Variants in MVD observed in about 807,000 individuals in gnomAD.
The protein encoded by MVD is diphosphomevalonate decarboxylase.
MVD carries 52 observed loss-of-function variants against 42.4 expected under a neutral mutation model. The observed-to-expected ratio is 1.23, with a 90% CI of 0.98 to 1.55. The LOEUF is 1.55. Among genes scored for constraint, MVD ranks in the 40% most tolerant of loss-of-function variants. MVD has a pLI of 0.00. For synonymous variants in MVD, 287 were observed against 243.2 expected, an observed-to-expected ratio of 1.18 and a Z score of -1.68; for missense variants, 663 against 572.1, an observed-to-expected ratio of 1.16 and a Z score of -1.62.
In MVD at chr16:88,652,756, C is replaced by T. The variant is rs890579969; in HGVS notation, c.1123-151G>A. ...AGGTAAAGCGCCTGAGTGGTGACAC[C>T]CACACGCAGCTCCTGCAGGCACAGC... On this transcript the variant is annotated intron_variant, in intron 9 of 9. Coordinates refer to ENST00000301012, the MANE Select transcript of MVD (RefSeq NM_002461.3). The T allele has an allele frequency of 9.6e-6, 7 of 727,552 alleles. No homozygotes were observed. In the African/African-American group the frequency reaches 1.1e-4, roughly 11 times the overall value. The allele number at this position is 727,552 out of a possible 1,614,324, so 45.1% of individuals were successfully genotyped here.
At chr16:88,662,216 G>C (rs1908347641) in intron 1 of MVD, 1 of 152,336 alleles carries the variant, frequency 6.6e-6, no homozygotes. Context: ...CTCTTTGCGG[G>C]GTGAGGCCTT....
chr16:88,654,915 G>C, intron 7 of MVD, 108 bp from the exon 8 acceptor site: 1 of 1,092,634 alleles, frequency 9.2e-7, no homozygotes. Flanking sequence ...CTCAGTCTAG[G>C]CCCTCAGGGC....
At chr16:88,657,097 G>C in intron 4 of MVD, 2 of 462,874 alleles carry the variant, frequency 4.3e-6, no homozygotes, top group Non-Finnish European at 8.2e-6. Context: ...TCCACATACA[G>C]CAACGGGAAG....
intron 8 of MVD, among the ~76,000 whole-genome samples, chr16:88,654,345 G>A (rs1012584672): frequency 1.3e-5 from 2 of 152,194 alleles, no homozygotes; most frequent in Non-Finnish European, 2.9e-5. Context: ...TCAAAATGTC[G>A]GACACTTACG....
At chr16:88,660,211 G>A (rs1376458505) in intron 1 of MVD, among the ~76,000 whole-genome samples, 1 of 152,138 alleles carries the variant, frequency 6.6e-6, no homozygotes, top group Non-Finnish European at 1.5e-5. Context: ...TTGGTGGGGA[G>A]GGGAACCTGG....
rs1054893298 is a variant in MVD, at chr16:88,657,491, G to A, written c.348C>T (p.Asn116=). ...CCAGGCCCGCAGCCGTGGGGAAGTT[G>A]TTCACCGATGCCACGTGCACCTTGC... The part of the protein sequence containing the change: ...LSCKVHVASV[N]NFPTAAGLAS... The change falls in exon 4 of 10, where the codon AAC becomes AAT. Residue 116 remains asparagine, a synonymous_variant. Transcript: ENST00000301012. 2.5e-6 allele frequency: 4 copies of A among 1,612,616 alleles called. No individual in the cohort carries two copies. In the African/African-American group the frequency reaches 4.0e-5, roughly 16 times the overall value.
rs1344152087 is a variant in MVD at position 88,655,121 on chromosome 16, G to C, written c.897+78C>G. The C allele has an allele frequency of 2.0e-6, 3 of 1,481,056 alleles. No homozygotes were observed. In the African/African-American group the frequency reaches 4.2e-5, roughly 21 times the overall value. 91.7% of individuals were successfully genotyped at this position (1,481,056 alleles called of 1,614,324 possible). On this transcript the variant is annotated intron_variant, in intron 7 of 9. Transcript: ENST00000301012. ...CAGATTGCCCTGCACGCGAGCCCCG[G>C]GGCCGTCTCCACGGCAGCACAAGCC...
chr16:88,657,475 C>T lies in MVD; in HGVS notation c.364G>A (p.Ala122Thr). 1 of 1,612,376 alleles carries T rather than the reference C, an allele frequency of 6.2e-7. No homozygotes were observed. The highest frequency in any genetic ancestry group is 8.5e-7 in the Non-Finnish European group (1 of 1,179,778). Reference protein sequence around the residue: ...VASVNNFPTAAGLASSAAGYA... With the variant: ...VASVNNFPTATGLASSAAGYA... ...CCCGCCGCTGAGGAGGCCAGGCCCGCAGCCGTGGGGAAGTTGTTCACCGAT... is the reference window on the plus strand; with the variant it reads ...CCCGCCGCTGAGGAGGCCAGGCCCGTAGCCGTGGGGAAGTTGTTCACCGAT... The change falls in exon 4 of 10, where the codon GCG becomes ACG. Residue 122 changes from alanine to threonine, a missense_variant. Physicochemically the swap from Ala to Thr is moderately conservative, Grantham distance 58. Transcript: ENST00000301012.
chr16:88,653,953 C>T (rs1907742804), intron 8 of MVD, among the ~76,000 whole-genome samples: 1 of 152,118 alleles, frequency 6.6e-6, no homozygotes, highest in Admixed American at 6.5e-5. Context: ...CCACCCGGGA[C>T]AGACGCACAT....
At chr16:88,658,783 C>A (rs1908108165) in intron 1 of MVD, 63 bp from the exon 2 acceptor site, 1 of 1,303,962 alleles carries the variant, frequency 7.7e-7, no homozygotes, top group East Asian at 3.1e-5. Context: ...CAGTGTTCCC[C>A]ACAGGTGCCC....
rs1335515669 is a variant in MVD, at chr16:88,652,512, C to T, written c.*13G>A. 6.4e-7 allele frequency: 1 copy of T among 1,562,010 alleles called. No individual in the cohort carries two copies. Among genetic ancestry groups the T allele is most frequent in the Admixed American group, 1.9e-5 (1 of 52,888 alleles). Reference sequence around the variant, plus strand: ...CCCCTTCTCCAAGCGGCATGCGGTCCCTGCTGAGGCAGTCAGGCAGCTGGC... The same window carrying T: ...CCCCTTCTCCAAGCGGCATGCGGTCTCTGCTGAGGCAGTCAGGCAGCTGGC... On this transcript the variant is annotated 3_prime_UTR_variant, in exon 10 of 10. Transcript: ENST00000301012.
chr16:88,652,570 G>T lies in MVD; in HGVS notation c.1158C>A (p.Cys386Ter). ...GPGPQILDDP[C>*]AHLLGPDGLP... ...GGCCGTCAGGACCCAGGAGGTGGGC[G>T]CAGGGGTCATCCAGGATTTGAGGCC... The change falls in exon 10 of 10, where the codon TGC becomes TGA. Residue 386 changes from cysteine (C) to a stop codon, truncating the protein, a stop_gained. Transcript: ENST00000301012. LOFTEE classifies it high-confidence loss of function. 6.4e-7 allele frequency: 1 copy of T among 1,570,580 alleles called. No homozygotes were observed. The highest frequency in any genetic ancestry group is 8.6e-7 in the Non-Finnish European group (1 of 1,157,882).
chr16:88,653,424 A>G lies in MVD; in HGVS notation c.1014-16T>C. 2 of 1,597,756 alleles carry G rather than the reference A, an allele frequency of 1.3e-6. No individual in the cohort carries two copies. The highest frequency in any genetic ancestry group is 1.7e-6 in the Non-Finnish European group (2 of 1,172,318). Reference sequence around the variant, plus strand: ...CTTCAGAAACCTGGAAAAGCAGGGCAGGGGCACGGTGAATGCATCCGTTTC... The same window carrying G: ...CTTCAGAAACCTGGAAAAGCAGGGCGGGGGCACGGTGAATGCATCCGTTTC... On this transcript the variant is annotated splice_polypyrimidine_tract_variant and intron_variant, in intron 8 of 9. Transcript: ENST00000301012.
At chr16:88,660,076 C>CT (rs1908194880) in intron 1 of MVD, among the ~76,000 whole-genome samples, 1 of 151,976 alleles carries the variant, frequency 6.6e-6, no homozygotes, top group Non-Finnish European at 1.5e-5. Context: ...GGAGTGGGGA[C>CT]TTTCACCTCC....
At chr16:88,658,074 C>G in intron 2 of MVD, 45 bp from the exon 3 acceptor site, 3 of 1,565,176 alleles carry the variant, frequency 1.9e-6, no homozygotes, top group Non-Finnish European at 2.6e-6. Flanking sequence ...GCATTGAGGA[C>G]CGATGCCAGC....
rs763768234 is a variant in MVD at position 88,652,678 on chromosome 16, G to A, written c.1123-73C>T. The A allele has an allele frequency of 6.5e-5, 90 of 1,384,622 alleles. 1 individual carries two copies. Among genetic ancestry groups the A allele is most frequent in the Admixed American group, 2.2e-4 (11 of 49,166 alleles). The allele number at this position is 1,384,622 out of a possible 1,614,324, so 85.8% of individuals were successfully genotyped here. On this transcript the variant is annotated intron_variant, in intron 9 of 9. Transcript: ENST00000301012. ...TCCTGTGCCCAGCATCTGTAGGGCC[G>A]GACACAGGAGGGTAGCGGTGTGCCC... is the stretch of plus-strand genomic sequence containing the variant.
Position 88,656,114 on chromosome 16 carries a change from G to C in MVD, c.594C>G (p.Leu198=), listed in dbSNP as rs775920473. ...GCCCCACCCCACTCACCACAAGGATGAGCACGCGGAGTTCAGGCCAGTGTG... is the reference window on the plus strand; with the variant it reads ...GCCCCACCCCACTCACCACAAGGATCAGCACGCGGAGTTCAGGCCAGTGTG... ...PESHWPELRV[L]ILVVSAEKKL... The change falls in exon 5 of 10, where the codon CTC becomes CTG. Residue 198 remains leucine, a synonymous_variant. Coordinates refer to ENST00000301012, the MANE Select transcript of MVD (RefSeq NM_002461.3). 3 of 1,599,752 alleles carry C rather than the reference G, an allele frequency of 1.9e-6. No homozygotes were observed. Among genetic ancestry groups the C allele is most frequent in the Non-Finnish European group, 2.5e-6 (3 of 1,179,070 alleles).
At chr16:88,655,068 G>C (rs535706573) in intron 7 of MVD, 131 bp downstream of exon 7, 1 of 1,156,234 alleles carries the variant, frequency 8.6e-7, no homozygotes, top group Non-Finnish European at 1.2e-6. Context: ...AGTGAGCTTC[G>C]CACACAGCAG....
Position 88,652,434 on chromosome 16 carries a change from T to A in MVD, c.*91A>T, listed in dbSNP as rs948694153. On this transcript the variant is annotated 3_prime_UTR_variant, in exon 10 of 10. Coordinates refer to ENST00000301012, the MANE Select transcript of MVD (RefSeq NM_002461.3). ...CCGGGGTCAAGCCACCACCCACATG[T>A]CCCAGGAGTCCGGCCAGCCCACCAC... 2 of 1,396,838 alleles carry A rather than the reference T, an allele frequency of 1.4e-6. No individual in the cohort carries two copies. Among genetic ancestry groups the A allele is most frequent in the African/African-American group, 2.9e-5 (2 of 69,858 alleles). The allele number at this position is 1,396,838 out of a possible 1,614,324, so 86.5% of individuals were successfully genotyped here.
Sources: allele counts gnomAD v4.1 joint callset (sites outside exome capture counted in the v4.1 genomes callset), GRCh38; gene constraint gnomAD v4.1.1; transcripts MANE v1.5; gene names NCBI Gene and HGNC (gene_info 2026-07-23, HGNC 2026-07-21).